TXNRD1: variants seen among roughly 807,000 people sequenced by gnomAD.
The protein encoded by TXNRD1 is thioredoxin reductase 1.
TXNRD1 carries 57 observed loss-of-function variants against 80.3 expected under a neutral mutation model. The observed-to-expected ratio is 0.71, with a 90% CI of 0.57 to 0.89. The LOEUF is 0.89. Ranked by LOEUF, TXNRD1 falls within the 40% of genes least tolerant of loss-of-function variation. The pLI, the probability that TXNRD1 is intolerant of heterozygous loss-of-function variation, is 0.00. For missense variants in TXNRD1, 730 were observed against 803.0 expected, an observed-to-expected ratio of 0.91 and a Z score of 1.10; for synonymous variants, 291 against 285.2, an observed-to-expected ratio of 1.02 and a Z score of -0.20.
intron 4 of TXNRD1, chr12:104,305,110 CTT>C: frequency 1.6e-6 from 1 of 632,544 alleles, no homozygotes; most frequent in South Asian, 4.2e-5. Flanking sequence ...AGGTCATGAT[CTT>C]CTGTTATTAA....
chr12:104,273,205 G>A (rs559293574), intron 3 of TXNRD1, among the ~76,000 whole-genome samples: 79 of 152,254 alleles, frequency 5.2e-4, no homozygotes, highest in Non-Finnish European at 8.5e-4. Flanking sequence ...GACTGTGGGC[G>A]TGGAGCCGGC....
At chr12:104,240,561 G>GTAT (rs1251795365) in intron 1 of TXNRD1, among the ~76,000 whole-genome samples, 1 of 152,142 alleles carries the variant, frequency 6.6e-6, no homozygotes, top group Non-Finnish European at 1.5e-5. Flanking sequence ...GTATAGGCAA[G>GTAT]AGAACTTTTT....
At chr12:104,301,418 A>T (rs1207938486) in intron 4 of TXNRD1, among the ~76,000 whole-genome samples, 1 of 152,144 alleles carries the variant, frequency 6.6e-6, no homozygotes, top group Non-Finnish European at 1.5e-5. Context: ...GCTCACTGCA[A>T]GCTCCGTCTC....
chr12:104,278,269 C>G (rs527523308), intron 3 of TXNRD1, among the ~76,000 whole-genome samples: 7 of 133,542 alleles, frequency 5.2e-5, no homozygotes, highest in Admixed American at 8.1e-5. Context: ...GGCGTGATCT[C>G]GGCTCACTGC....
rs1219188185 is a variant in TXNRD1, at chr12:104,325,433, A to G, written c.1308+4A>G. The G allele has an allele frequency of 6.3e-7, 1 of 1,599,456 alleles. No homozygotes were observed. Among genetic ancestry groups the G allele is most frequent in the African/African-American group, 1.3e-5 (1 of 74,804 alleles). On this transcript the variant is annotated splice_donor_region_variant and intron_variant, in intron 11 of 16. Transcript: ENST00000525566. Reference sequence around the variant, plus strand: ...CATTGAAGGAGAATATAATACGGTAAGGAATGGGCCCAGGTTAATACTTTA... The same window carrying G: ...CATTGAAGGAGAATATAATACGGTAGGGAATGGGCCCAGGTTAATACTTTA...
At chr12:104,278,914 A>G (rs944654713) in intron 3 of TXNRD1, among the ~76,000 whole-genome samples, 7 of 152,200 alleles carry the variant, frequency 4.6e-5, no homozygotes, top group African/African-American at 1.7e-4. Flanking sequence ...GGAATATACA[A>G]ATTAACTAAG....
intron 3 of TXNRD1, among the ~76,000 whole-genome samples, chr12:104,268,526 A>G (rs1230258513): frequency 6.6e-6 from 1 of 151,674 alleles, no homozygotes; most frequent in African/African-American, 2.4e-5. Flanking sequence ...CTCCGTCTCA[A>G]AAAAAAAGAA....
chr12:104,337,199 A>G (rs2036167560), intron 15 of TXNRD1, among the ~76,000 whole-genome samples: 1 of 151,804 alleles, frequency 6.6e-6, no homozygotes, highest in Non-Finnish European at 1.5e-5. Context: ...AGTTCCTCCT[A>G]TGGATACGCT....
Position 104,334,333 on chromosome 12 carries a change from G to A in TXNRD1, c.1746+1G>A. 1.4e-6 allele frequency: 2 copies of A among 1,434,486 alleles called. No homozygotes were observed. Among genetic ancestry groups the A allele is most frequent in the Non-Finnish European group, 9.3e-7 (1 of 1,073,156 alleles). 88.9% of individuals were successfully genotyped at this position (1,434,486 alleles called of 1,614,324 possible). A position where few individuals can be genotyped will look rare whatever the true frequency, so the allele number is the denominator to read the frequency against. On this transcript the variant is annotated splice_donor_variant, in intron 15 of 16. Coordinates refer to ENST00000525566, the MANE Select transcript of TXNRD1 (RefSeq NM_001093771.3). LOFTEE classifies it high-confidence loss of function. The stretch of plus-strand genomic sequence containing the variant: ...AATAATCTGTAATACTAAAGACAAT[G>A]TAAGTTTAATTCTCAATCCTTTCCA...
intron 3 of TXNRD1, among the ~76,000 whole-genome samples, chr12:104,266,940 C>T (rs1368155007): frequency 6.6e-6 from 1 of 151,010 alleles, no homozygotes; most frequent in Non-Finnish European, 1.5e-5. Flanking sequence ...CCAGCCCAGG[C>T]GACAGAGCGA....
chr12:104,289,902 C>T (rs528440899), intron 4 of TXNRD1, among the ~76,000 whole-genome samples: 3 of 152,234 alleles, frequency 2.0e-5, no homozygotes, highest in Admixed American at 1.3e-4. Context: ...CCAGCTTCAC[C>T]ATGCTGGCCA....
chr12:104,223,510 A>G (rs959433592), intron 1 of TXNRD1, among the ~76,000 whole-genome samples: 1 of 152,202 alleles, frequency 6.6e-6, no homozygotes, highest in Admixed American at 6.5e-5. Context: ...CCCACTCCCA[A>G]GTCAAGTTTG....
chr12:104,317,714 T>C (rs990054454), intron 7 of TXNRD1, among the ~76,000 whole-genome samples: 2 of 152,178 alleles, frequency 1.3e-5, no homozygotes, highest in African/African-American at 4.8e-5. Flanking sequence ...CCCTCTCCTA[T>C]AGTCCCAGCT....
chr12:104,348,545 C>T lies in TXNRD1; in HGVS notation c.*124C>T, dbSNP rs760823285. ...CACCTGCGTGTCCTGTGCTTACCAC[C>T]GCCCAAGGCCCCCTTGGATCTCTTG... On this transcript the variant is annotated 3_prime_UTR_variant, in exon 17 of 17. Coordinates refer to ENST00000525566, the MANE Select transcript of TXNRD1 (RefSeq NM_001093771.3). 200 of 823,280 alleles carry T rather than the reference C, an allele frequency of 2.4e-4. No homozygotes were observed. Among genetic ancestry groups the T allele is most frequent in the Admixed American group, 5.0e-4 (22 of 44,132 alleles). 51.0% of individuals were successfully genotyped at this position (823,280 alleles called of 1,614,324 possible).
At chr12:104,250,020 T>C (rs2135702938) in intron 1 of TXNRD1, among the ~76,000 whole-genome samples, 1 of 152,156 alleles carries the variant, frequency 6.6e-6, no homozygotes, top group African/African-American at 2.4e-5. Flanking sequence ...TTTGGGGATT[T>C]AGCTGATTTT....
At chr12:104,331,843 T>C (rs563845413) in intron 14 of TXNRD1, among the ~76,000 whole-genome samples, 3 of 152,262 alleles carry the variant, frequency 2.0e-5, no homozygotes, top group Admixed American at 6.5e-5. Flanking sequence ...TGTGTTTCTG[T>C]GAATCATTTG....
intron 11 of TXNRD1, 85 bp from the exon 12 acceptor site, chr12:104,326,262 G>T (rs560910224): frequency 3.4e-6 from 3 of 887,554 alleles, no homozygotes; most frequent in East Asian, 5.6e-5. Flanking sequence ...AATCAGATTA[G>T]CTTAATAAGC....
intron 1 of TXNRD1, among the ~76,000 whole-genome samples, chr12:104,237,037 G>C (rs75824996): frequency 1.9e-3 from 289 of 152,126 alleles, no homozygotes; most frequent in African/African-American, 6.2e-3. Flanking sequence ...CTCCGTTCTG[G>C]GGGGGTTGGG....
chr12:104,280,259 G>A (rs1443408998), intron 3 of TXNRD1: 1 of 151,938 alleles, frequency 6.6e-6, no homozygotes, highest in East Asian at 1.9e-4. Flanking sequence ...ATTTTCATAA[G>A]TGACCTCCAT....
Sources: gnomAD v4.1 joint callset for allele counts (sites outside exome capture counted in the v4.1 genomes callset) on GRCh38, gnomAD v4.1.1 for gene constraint, MANE v1.5 for transcripts, NCBI Gene and HGNC (gene_info 2026-07-23, HGNC 2026-07-21) for gene names.